AREL1: variants seen among roughly 807,000 people sequenced by gnomAD.
AREL1 encodes the protein apoptosis-resistant E3 ubiquitin protein ligase 1.
In AREL1, 62 loss-of-function variants were observed where a neutral mutation model predicts 99.0. The observed-to-expected ratio is 0.63, with a 90% CI of 0.51 to 0.77. The LOEUF (loss-of-function observed/expected upper bound fraction) is 0.77. AREL1 is among the 30% of genes least tolerant of loss of function. The pLI is 0.00. For synonymous variants in AREL1, 380 were observed against 376.5 expected (o/e 1.01, Z -0.11); for missense variants, 879 against 1,027.6 (o/e 0.86, Z 1.98).
intron 1 of AREL1, chr14:74,698,858 T>TAAAA (rs547639633): frequency 3.6e-4 from 40 of 110,272 alleles, no homozygotes; most frequent in South Asian, 1.1e-3. Context: ...ATCCCATCTC[T>TAAAA]AAAAAAAAAA....
At chr14:74,671,030 C>T (rs2139871387) in intron 12 of AREL1, among the ~76,000 whole-genome samples, 159 bp from the exon 13 acceptor site, 1 of 152,212 alleles carries the variant, frequency 6.6e-6, no homozygotes, top group Non-Finnish European at 1.5e-5. Context: ...TTAGAAATCC[C>T]ACCCCTTTTT....
intron 4 of AREL1, 57 bp downstream of exon 4, chr14:74,684,397 T>TG: frequency 6.5e-7 from 1 of 1,541,754 alleles, no homozygotes; most frequent in Non-Finnish European, 9.0e-7. Flanking sequence ...ACCTGGGCTC[T>TG]GGAAAGCAAG....
At chr14:74,664,953 T>C (rs765131440) in intron 17 of AREL1, 28 bp from the exon 18 acceptor site, 2 of 1,596,758 alleles carry the variant, frequency 1.3e-6, no homozygotes, top group Non-Finnish European at 1.7e-6. Context: ...GGTGTTACTA[T>C]GACAGTCAGA....
At chr14:74,686,470 C>T (rs1200138909) in intron 2 of AREL1, among the ~76,000 whole-genome samples, 1 of 152,232 alleles carries the variant, frequency 6.6e-6, no homozygotes, top group African/African-American at 2.4e-5. Flanking sequence ...TATCTTATCA[C>T]TGAGTCTGAC....
At chr14:74,683,587 C>T (rs2089682915) in intron 4 of AREL1, 54 bp from the exon 5 acceptor site, 1 of 1,554,452 alleles carries the variant, frequency 6.4e-7, no homozygotes, top group Admixed American at 1.7e-5. Context: ...AAAAACATTT[C>T]CTGTGTAGAG....
chr14:74,681,567 G>A (rs2089628865), intron 5 of AREL1, among the ~76,000 whole-genome samples: 1 of 152,058 alleles, frequency 6.6e-6, no homozygotes, highest in Non-Finnish European at 1.5e-5. Context: ...GAGGTCAGGA[G>A]ATCGAGACCA....
chr14:74,665,353 T>C (rs964109678), intron 17 of AREL1, among the ~76,000 whole-genome samples: 2 of 151,742 alleles, frequency 1.3e-5, no homozygotes, highest in African/African-American at 4.8e-5. Flanking sequence ...GCTCAAGTGA[T>C]TCTCCTGCCT....
intron 15 of AREL1, among the ~76,000 whole-genome samples, 175 bp downstream of exon 15, chr14:74,669,474 T>A (rs915444813): frequency 2.0e-5 from 3 of 152,218 alleles, no homozygotes; most frequent in Admixed American, 6.5e-5. Flanking sequence ...TGTAGTTATG[T>A]AAGTATACAT....
intron 1 of AREL1, among the ~76,000 whole-genome samples, chr14:74,706,879 C>T (rs937991929): frequency 1.3e-5 from 2 of 152,174 alleles, no homozygotes; most frequent in Admixed American, 1.3e-4. Context: ...TCACATCACC[C>T]TCCTGGAAGC....
At position 74,663,910 on chromosome 14, in the gene AREL1, A is replaced by G; in HGVS notation, c.2358T>C (p.Thr786=). Reference sequence around the variant, plus strand: ...GGGCAGATACCTACCATGTGTGTGCAGTAGGCAGCGTGCTATGGGTCGGAG... The same window carrying G: ...GGGCAGATACCTACCATGTGTGTGCGGTAGGCAGCGTGCTATGGGTCGGAG... ...IAAPTHSTLP[T]AHTCFNQLCL... Residue 786 remains threonine, a synonymous_variant, in exon 19 of 20, where the codon ACT becomes ACC. Transcript: ENST00000356357. 1 of 1,614,242 alleles carries G rather than the reference A, an allele frequency of 6.2e-7. No homozygotes were observed. The highest frequency in any genetic ancestry group is 1.7e-5 in the Admixed American group (1 of 60,034).
Position 74,672,831 on chromosome 14 carries a change from C to T in AREL1, c.1422G>A (p.Ser474=), listed in dbSNP as rs1473042179. Residue 474 remains serine (S), a splice_region_variant and synonymous_variant, in exon 11 of 20, where the codon TCG becomes TCA. Transcript: ENST00000356357. ...LKVSRHALLE[S]SLKATRNFSI... is the part of the protein sequence containing the mutation. ...CTGACAGAGATGAAATTTTACCTAC[C>T]GATTCCAACAAGGCATGTCTGCTGA... The T allele has an allele frequency of 5.6e-6, 9 of 1,613,974 alleles. No individual in the cohort carries two copies. The highest frequency in any genetic ancestry group is 2.2e-5 in the East Asian group (1 of 44,898).
At chr14:74,705,180 T>C (rs1473153592) in intron 1 of AREL1, among the ~76,000 whole-genome samples, 2 of 152,102 alleles carry the variant, frequency 1.3e-5, no homozygotes, top group African/African-American at 4.8e-5. Flanking sequence ...GCTGGGATTA[T>C]AGGCATGCGT....
intron 1 of AREL1, among the ~76,000 whole-genome samples, chr14:74,705,321 G>C (rs2090157911): frequency 6.6e-6 from 1 of 152,204 alleles, no homozygotes; most frequent in African/African-American, 2.4e-5. Context: ...TTACAGGCGT[G>C]AGCCACCATG....
chr14:74,682,567 C>T lies in AREL1; in HGVS notation c.481+729G>A, dbSNP rs556647703. Among the ~76,000 whole-genome samples, 3 of 152,296 alleles carry T rather than the reference C, an allele frequency of 2.0e-5. 1 individual carries two copies. Among genetic ancestry groups the T allele is most frequent in the African/African-American group, 7.2e-5 (3 of 41,554 alleles). The stretch of plus-strand genomic sequence containing the variant: ...AAAAGAAATGAAGTACAGATTCACG[C>T]TACAGCATGACTGAATCTGGTTTAG... On this transcript the variant is annotated intron_variant, in intron 5 of 19. Coordinates refer to ENST00000356357, the MANE Select transcript of AREL1 (RefSeq NM_001039479.2).
chr14:74,682,783 C>CCT (rs576386068), intron 5 of AREL1, among the ~76,000 whole-genome samples: 5 of 150,776 alleles, frequency 3.3e-5, no homozygotes, highest in Middle Eastern at 3.2e-3. Context: ...GCACCTCCTC[C>CCT]CTCTCTCTCT....
chr14:74,706,686 C>A (rs544327364), intron 1 of AREL1, among the ~76,000 whole-genome samples: 2 of 152,220 alleles, frequency 1.3e-5, no homozygotes, highest in South Asian at 4.1e-4. Context: ...ATATGTTGGA[C>A]CCTAAAGATT....
rs149830672 is a variant in AREL1, at chr14:74,683,422, G to C, written c.355C>G (p.Gln119Glu). The change falls in exon 5 of 20, where the codon CAG becomes GAG. Residue 119 changes from glutamine (Q) to glutamate (E), a missense_variant. By Grantham distance (29) the Gln-to-Glu change is conservative. Transcript: ENST00000356357. ...VEIPVTQEVL[Q>E]EPNSNVVKVA... Reference sequence around the variant, plus strand: ...TTTACTACGTTGGAATTGGGCTCCTGAAGGACTTCCTGGGTCACTGGAATT... The same window carrying C: ...TTTACTACGTTGGAATTGGGCTCCTCAAGGACTTCCTGGGTCACTGGAATT... 3,108 of 1,614,162 alleles carry C rather than the reference G, an allele frequency of 1.9e-3. 6 individuals are homozygous for C. The highest frequency in any genetic ancestry group is 2.4e-3 in the Non-Finnish European group (2,882 of 1,180,014).
chr14:74,667,548 G>T lies in AREL1; in HGVS notation c.1961C>A (p.Ala654Glu), dbSNP rs373923208. ...CAAATTTAAATAGAAGATTTTATTC[G>T]CATTGGTGACTGGAGTTTGAGCTCC... ...TGGAQTPVTNANKIFYLNLLA... is the reference protein window; with the variant it reads ...TGGAQTPVTNENKIFYLNLLA... The change falls in exon 16 of 20, where the codon GCG becomes GAG. Residue 654 changes from alanine to glutamate, a missense_variant. Coordinates refer to ENST00000356357, the MANE Select transcript of AREL1 (RefSeq NM_001039479.2). 7.4e-5 allele frequency: 119 copies of T among 1,613,576 alleles called. No homozygotes were observed. The highest frequency in any genetic ancestry group is 8.9e-5 in the Non-Finnish European group (105 of 1,179,800).
intron 5 of AREL1, among the ~76,000 whole-genome samples, chr14:74,678,930 A>T (rs1469780193): frequency 2.6e-5 from 4 of 152,124 alleles, no homozygotes; most frequent in Non-Finnish European, 5.9e-5. Flanking sequence ...TCACTTTGTC[A>T]CCCAGGCTGG....
Sources: gnomAD v4.1 joint callset for allele counts (sites outside exome capture counted in the v4.1 genomes callset) on GRCh38, gnomAD v4.1.1 for gene constraint, MANE v1.5 for transcripts, NCBI Gene and HGNC (gene_info 2026-07-23, HGNC 2026-07-21) for gene names.